The following ALPK1 variants were observed in gnomAD, a reference collection of about 807,000 sequenced individuals.
ALPK1 encodes the protein alpha-protein kinase 1.
ALPK1 carries 110 observed loss-of-function variants against 120.6 expected under a neutral mutation model. The observed-to-expected ratio is 0.91, with a 90% CI of 0.78 to 1.07. ALPK1 has a LOEUF of 1.07. Ranked by LOEUF, ALPK1 falls within the 50% of genes least tolerant of loss-of-function variation. The pLI, the probability that ALPK1 is intolerant of heterozygous loss-of-function variation, is 0.00. For synonymous variants in ALPK1, 582 were observed against 560.3 expected, an observed-to-expected ratio of 1.04 and a Z score of -0.55; for missense variants, 1,498 against 1,483.9, an observed-to-expected ratio of 1.01 and a Z score of -0.16.
intron 2 of ALPK1, among the ~76,000 whole-genome samples, chr4:112,351,783 A>T (rs1359740095): frequency 6.6e-6 from 1 of 152,080 alleles, no homozygotes; most frequent in Admixed American, 6.6e-5. Context: ...CTTTTATTTC[A>T]TTTTCTATGT....
intron 4 of ALPK1, among the ~76,000 whole-genome samples, chr4:112,407,150 G>A (rs777325301): frequency 6.6e-6 from 1 of 152,184 alleles, no homozygotes; most frequent in Non-Finnish European, 1.5e-5. Context: ...AGGAACTGGG[G>A]AGAGTGGAAA....
intron 5 of ALPK1, among the ~76,000 whole-genome samples, chr4:112,418,289 T>A (rs949347900): frequency 1.3e-5 from 2 of 152,158 alleles, no homozygotes; most frequent in Non-Finnish European, 2.9e-5. Flanking sequence ...GGGGAAGCCA[T>A]CCACGGGGAG....
intron 2 of ALPK1, among the ~76,000 whole-genome samples, chr4:112,370,474 G>T (rs1323010589): frequency 6.6e-6 from 1 of 152,048 alleles, no homozygotes; most frequent in Non-Finnish European, 1.5e-5. Flanking sequence ...AACATACTGG[G>T]GAATTCCCAT....
At chr4:112,339,527 C>A (rs1429742244) in intron 2 of ALPK1, among the ~76,000 whole-genome samples, 2 of 152,114 alleles carry the variant, frequency 1.3e-5, no homozygotes, top group Non-Finnish European at 2.9e-5. Flanking sequence ...CTTTATAACA[C>A]TTTTCTTTTA....
intron 4 of ALPK1, among the ~76,000 whole-genome samples, chr4:112,389,604 C>A (rs577258247): frequency 6.6e-6 from 1 of 152,348 alleles, no homozygotes; most frequent in Admixed American, 6.5e-5. Flanking sequence ...AGCTGAGCTA[C>A]TTGTCAAAGG....
intron 2 of ALPK1, among the ~76,000 whole-genome samples, chr4:112,342,463 A>T (rs1729904247): frequency 6.6e-6 from 1 of 152,206 alleles, no homozygotes; most frequent in African/African-American, 2.4e-5. Context: ...ATTTAGAATG[A>T]TCTAGATGCT....
intron 7 of ALPK1, chr4:112,425,978 T>C (rs978748329): frequency 1.6e-5 from 6 of 381,282 alleles, no homozygotes; most frequent in Non-Finnish European, 2.9e-5. Flanking sequence ...CGGTTGTATA[T>C]TGTAATGTTA....
intron 1 of ALPK1, among the ~76,000 whole-genome samples, chr4:112,302,831 G>T (rs914355990): frequency 6.6e-6 from 1 of 152,032 alleles, no homozygotes; most frequent in Non-Finnish European, 1.5e-5. Context: ...TTCCTCCATA[G>T]ACAAGCCTCT....
intron 14 of ALPK1, among the ~76,000 whole-genome samples, chr4:112,440,233 C>T (rs1273219200): frequency 2.0e-5 from 3 of 152,068 alleles, no homozygotes; most frequent in Non-Finnish European, 4.4e-5. Context: ...TTCCTTTTCT[C>T]CAGCCCCTTA....
chr4:112,418,560 C>A (rs890681720), intron 5 of ALPK1, among the ~76,000 whole-genome samples: 50 of 152,150 alleles, frequency 3.3e-4, no homozygotes, highest in African/African-American at 1.2e-3. Flanking sequence ...AGTGGCCTGG[C>A]CAGAGGAGCA....
intron 5 of ALPK1, among the ~76,000 whole-genome samples, chr4:112,421,624 G>T (rs761481078): frequency 3.9e-5 from 6 of 152,112 alleles, no homozygotes; most frequent in Non-Finnish European, 7.4e-5. Context: ...TATTCATGGG[G>T]GATACGTTCC....
chr4:112,327,527 T>C (rs190887950), intron 2 of ALPK1, among the ~76,000 whole-genome samples: 181 of 152,296 alleles, frequency 1.2e-3, no homozygotes, highest in African/African-American at 4.0e-3. Flanking sequence ...CTTGAACTCC[T>C]AGGCTTAAGG....
intron 4 of ALPK1, among the ~76,000 whole-genome samples, chr4:112,391,693 C>A (rs575332450): frequency 6.6e-6 from 1 of 152,240 alleles, no homozygotes; most frequent in African/African-American, 2.4e-5. Flanking sequence ...GGGTTGCTGG[C>A]AACATCAGAA....
intron 4 of ALPK1, among the ~76,000 whole-genome samples, chr4:112,396,030 T>C (rs6825167): frequency 0.81 from 123,639 of 152,012 alleles, 50,916 homozygotes; most frequent in African/African-American, 0.95. Flanking sequence ...TTTTTTTAAA[T>C]GGGTTAAAAT....
At chr4:112,403,192 C>T (rs543377332) in intron 4 of ALPK1, among the ~76,000 whole-genome samples, 50 of 152,112 alleles carry the variant, frequency 3.3e-4, no homozygotes, top group African/African-American at 1.2e-3. Flanking sequence ...CTTCTGATGT[C>T]AGAGTGCCCC....
chr4:112,429,114 A>G (rs750536268), intron 9 of ALPK1, 35 bp from the exon 10 acceptor site: 5 of 1,567,982 alleles, frequency 3.2e-6, no homozygotes, highest in Non-Finnish European at 4.4e-6. Context: ...ATAATTAATT[A>G]TCACCATTCC....
In ALPK1 at chr4:112,397,798, C is replaced by T. The variant is rs1578534998; in HGVS notation, c.277-14029C>T. On this transcript the variant is annotated intron_variant, in intron 4 of 15. Transcript: ENST00000650871. ...ATTACATGGGACATGTATGCATTAG[C>T]TGGGGTGGGGTGGGGAGCAGCTTCT... Among the ~76,000 whole-genome samples the T allele has an allele frequency of 1.3e-5, 2 of 150,962 alleles. 1 individual carries two copies. The highest frequency in any genetic ancestry group is 4.2e-4 in the South Asian group (2 of 4,788).
In ALPK1 at chr4:112,432,253, C is replaced by T. The variant is rs76049625; in HGVS notation, c.2706C>T (p.Ser902=). 1.2e-3 allele frequency: 1,945 copies of T among 1,614,180 alleles called. 17 individuals carry two copies. The African/African-American group carries it at 0.022, about 18-fold the overall frequency. The change falls in exon 11 of 16, where the codon AGC becomes AGT. Residue 902 remains serine, a synonymous_variant. Transcript: ENST00000650871. ...GTAACATCCTCTTCCCTGTCCTCAG[C>T]GAGGACTGCACTACCACAGAGGAAG... The part of the protein sequence containing the change: ...VSGNILFPVL[S]EDCTTTEEGN...
chr4:112,428,822 A>G (rs1734390850), intron 9 of ALPK1, among the ~76,000 whole-genome samples: 1 of 152,190 alleles, frequency 6.6e-6, no homozygotes, highest in South Asian at 2.1e-4. Context: ...CTGTGAAATC[A>G]TCAATTAAAG....
Sources: allele counts gnomAD v4.1 joint callset (sites outside exome capture counted in the v4.1 genomes callset), GRCh38; gene constraint gnomAD v4.1.1; transcripts MANE v1.5; gene names NCBI Gene and HGNC (gene_info 2026-07-23, HGNC 2026-07-21).